SYNE1: variants seen among roughly 807,000 people sequenced by gnomAD.
SYNE1 encodes nesprin-1.
In SYNE1, 616 loss-of-function variants were observed where a neutral mutation model predicts 1,111.0. The observed-to-expected ratio is 0.55, with a 90% CI of 0.52 to 0.59. SYNE1 has a LOEUF of 0.59. Among genes scored for constraint, SYNE1 ranks in the 20% least tolerant of loss-of-function variants. SYNE1 has a pLI of 0.00. For missense variants in SYNE1, 10,006 were observed against 10,417.0 expected (o/e 0.96, Z 1.72); for synonymous variants, 3,855 against 3,825.8 (o/e 1.01, Z -0.28).
At chr6:152,135,033 A>G in intron 142 of SYNE1, 71 bp downstream of exon 142, 1 of 1,601,234 alleles carries the variant, frequency 6.2e-7, no homozygotes, top group East Asian at 2.2e-5. Flanking sequence ...TACCACTTAT[A>G]TTCATTTTCT....
intron 14 of SYNE1, among the ~76,000 whole-genome samples, chr6:152,479,518 C>A (rs577716488): frequency 1.1e-4 from 17 of 152,276 alleles, no homozygotes; most frequent in African/African-American, 3.6e-4. Context: ...CTGAAGACAA[C>A]CTGGCTCATC....
chr6:152,630,837 C>T (rs578044238), intron 2 of SYNE1, among the ~76,000 whole-genome samples: 2 of 152,278 alleles, frequency 1.3e-5, no homozygotes, highest in East Asian at 3.9e-4. Flanking sequence ...AATCACTCTG[C>T]CTCTATCCTC....
At chr6:152,266,446 T>C (rs945758804) in intron 100 of SYNE1, among the ~76,000 whole-genome samples, 2 of 152,184 alleles carry the variant, frequency 1.3e-5, no homozygotes, top group Admixed American at 1.3e-4. Context: ...TGAAGGCAAG[T>C]CTTGGCTCAA....
intron 6 of SYNE1, 149 bp from the exon 7 acceptor site, chr6:152,511,252 A>G: frequency 6.9e-6 from 5 of 727,534 alleles, no homozygotes; most frequent in Non-Finnish European, 1.2e-5. Flanking sequence ...AGGCACCGAA[A>G]CAAACAAGCA....
In SYNE1 at chr6:152,262,127, C is replaced by A; in HGVS notation, c.18877G>T (p.Asp6293Tyr). The change falls in exon 101 of 146, where the codon GAC becomes TAC. Residue 6293 changes from aspartate to tyrosine, a missense_variant. Coordinates refer to ENST00000367255, the MANE Select transcript of SYNE1 (RefSeq NM_182961.4). Reference protein sequence around the residue: ...GMEGEKSSAEDQMRMKWESLH... With the variant: ...GMEGEKSSAEYQMRMKWESLH... ...CTTTCCCATTTCATTCTCATCTGGT[C>A]TTCAGCGGATGATTTCTCCCCTTCC... The A allele has an allele frequency of 6.2e-7, 1 of 1,613,632 alleles. No homozygotes were observed. Among genetic ancestry groups the A allele is most frequent in the Non-Finnish European group, 8.5e-7 (1 of 1,179,668 alleles).
intron 3 of SYNE1, among the ~76,000 whole-genome samples, chr6:152,565,397 C>A (rs2099409724): frequency 6.6e-6 from 1 of 152,158 alleles, no homozygotes; most frequent in South Asian, 2.1e-4. Context: ...GCAGATTTGT[C>A]CTCCAGTATG....
intron 64 of SYNE1, among the ~76,000 whole-genome samples, chr6:152,360,531 C>G (rs1360087212): frequency 2.6e-5 from 4 of 152,214 alleles, no homozygotes; most frequent in African/African-American, 7.2e-5. Flanking sequence ...GATTCTCTCT[C>G]ACACCACACT....
At chr6:152,468,963 A>G (rs2098788433) in intron 16 of SYNE1, among the ~76,000 whole-genome samples, 1 of 152,012 alleles carries the variant, frequency 6.6e-6, no homozygotes, top group Admixed American at 6.6e-5. Context: ...TTTTTTGTAG[A>G]GACAGAGTCT....
intron 3 of SYNE1, among the ~76,000 whole-genome samples, chr6:152,608,425 A>G (rs2099622184): frequency 6.6e-6 from 1 of 152,240 alleles, no homozygotes; most frequent in African/African-American, 2.4e-5. Context: ...TAAATTAAGC[A>G]CACACAAAAT....
At chr6:152,504,069 T>A (rs1335003462) in intron 9 of SYNE1, among the ~76,000 whole-genome samples, 1 of 152,120 alleles carries the variant, frequency 6.6e-6, no homozygotes, top group East Asian at 1.9e-4. Context: ...AATATTAAGA[T>A]CTTCTGGTCT....
chr6:152,575,546 A>G (rs1009410946), intron 3 of SYNE1, among the ~76,000 whole-genome samples: 2 of 152,226 alleles, frequency 1.3e-5, no homozygotes, highest in Admixed American at 1.3e-4. Flanking sequence ...TGAAAACATG[A>G]AAAAGAGAAG....
intron 122 of SYNE1, among the ~76,000 whole-genome samples, chr6:152,214,511 T>A (rs2078196123): frequency 6.6e-6 from 1 of 152,226 alleles, no homozygotes; most frequent in South Asian, 2.1e-4. Flanking sequence ...GTGATGAAAC[T>A]TCGTGGTGAA....
At chr6:152,276,645 T>C (rs553259370) in intron 98 of SYNE1, among the ~76,000 whole-genome samples, 135 of 152,260 alleles carry the variant, frequency 8.9e-4, no homozygotes, top group African/African-American at 3.2e-3. Context: ...TATTCCAACA[T>C]AGATGCTTTC....
In SYNE1 at chr6:152,413,194, G is replaced by A. The variant is rs555880880; in HGVS notation, c.6230+158C>T. On this transcript the variant is annotated intron_variant, in intron 42 of 145. Transcript: ENST00000367255. ...GCAACCTTCTCAATAAAGTTCTGTC[G>A]AAATAAGTAAATTTTCAATGTTATG... is the stretch of plus-strand genomic sequence containing the variant. 4.6e-5 allele frequency among the ~76,000 whole-genome samples: 7 copies of A among 152,198 alleles called. No individual in the cohort carries two copies. The East Asian group carries it at 5.8e-4, about 13-fold the overall frequency.
intron 21 of SYNE1, among the ~76,000 whole-genome samples, chr6:152,459,255 T>C (rs2154262176): frequency 6.6e-6 from 1 of 152,196 alleles, no homozygotes; most frequent in East Asian, 1.9e-4. Flanking sequence ...TCATAAACCA[T>C]GCAACTCATT....
intron 2 of SYNE1, among the ~76,000 whole-genome samples, chr6:152,635,764 A>T: frequency 6.6e-6 from 1 of 152,238 alleles, no homozygotes; most frequent in East Asian, 1.9e-4. Flanking sequence ...TTCAGATACA[A>T]GTTTTCCACC....
chr6:152,374,105 CAA>C (rs1362430834), intron 58 of SYNE1, among the ~76,000 whole-genome samples: 2 of 152,124 alleles, frequency 1.3e-5, no homozygotes, highest in Non-Finnish European at 2.9e-5. Flanking sequence ...AAAAAAATAA[CAA>C]GAGAGTGTTT....
chr6:152,248,485 A>C (rs986616313), intron 105 of SYNE1, among the ~76,000 whole-genome samples: 1 of 151,654 alleles, frequency 6.6e-6, no homozygotes, highest in South Asian at 2.1e-4. Flanking sequence ...CTAATGAGGC[A>C]TGCAACAAAT....
intron 39 of SYNE1, among the ~76,000 whole-genome samples, chr6:152,420,546 G>T (rs899521580): frequency 2.6e-5 from 4 of 152,254 alleles, no homozygotes; most frequent in Admixed American, 1.3e-4. Context: ...CTTGAACCTA[G>T]GAGGTAGAGG....
Sources: gnomAD v4.1 joint callset for allele counts (sites outside exome capture counted in the v4.1 genomes callset) on GRCh38, gnomAD v4.1.1 for gene constraint, MANE v1.5 for transcripts, NCBI Gene and HGNC (gene_info 2026-07-23, HGNC 2026-07-21) for gene names.